The following TUBGCP5 variants were observed in gnomAD, a reference collection of about 807,000 sequenced individuals.
TUBGCP5 encodes gamma-tubulin complex component 5.
Under a neutral mutation model 134.7 loss-of-function variants are expected in TUBGCP5, and 98 were observed. That is an observed-to-expected ratio of 0.73 (90% CI 0.62 to 0.86). TUBGCP5 has a LOEUF of 0.86. Ranked by LOEUF, TUBGCP5 falls within the 40% of genes least tolerant of loss-of-function variation. The pLI, the probability that TUBGCP5 is intolerant of heterozygous loss-of-function variation, is 0.00. For missense variants in TUBGCP5, 1,150 were observed against 1,244.8 expected, an observed-to-expected ratio of 0.92 and a Z score of 1.15; for synonymous variants, 456 against 431.4, an observed-to-expected ratio of 1.06 and a Z score of -0.71.
intron 21 of TUBGCP5, among the ~76,000 whole-genome samples, chr15:23,001,889 C>T (rs1002727827): frequency 6.6e-6 from 1 of 152,092 alleles, no homozygotes; most frequent in Non-Finnish European, 1.5e-5. Flanking sequence ...AGCCACAACA[C>T]CATTTGCTCA....
intron 10 of TUBGCP5, chr15:23,023,675 G>T: frequency 6.1e-6 from 2 of 327,218 alleles, no homozygotes; most frequent in Non-Finnish European, 1.1e-5. Context: ...AGAAGCCAAG[G>T]ACCTGGCTGT....
intron 6 of TUBGCP5, among the ~76,000 whole-genome samples, chr15:23,027,935 T>G (rs1022340888): frequency 2.6e-5 from 4 of 152,042 alleles, no homozygotes; most frequent in Admixed American, 6.6e-5. Flanking sequence ...TCCCAACCAC[T>G]ACGGAAGTCT....
chr15:22,983,923 A>C (rs2063606003), intron 23 of TUBGCP5, among the ~76,000 whole-genome samples: 1 of 151,864 alleles, frequency 6.6e-6, no homozygotes, highest in Non-Finnish European at 1.5e-5. Flanking sequence ...GGGGTTCGAG[A>C]CCAGCCTGGC....
Position 22,983,773 on chromosome 15 carries a change from T to TA in TUBGCP5, c.*62-163dup, listed in dbSNP as rs2063600401. Among the ~76,000 whole-genome samples the TA allele has an allele frequency of 3.9e-5, 6 of 152,306 alleles. 1 individual carries two copies. The South Asian group carries it at 1.2e-3, about 32-fold the overall frequency. Reference sequence around the variant, plus strand: ...TAGTCCCCCTCCTCTGAGTTCCAGTTACTCATGGTCAACCATAGTCTGAAA... The same window carrying TA: ...TAGTCCCCCTCCTCTGAGTTCCAGTTAACTCATGGTCAACCATAGTCTGAAA... On this transcript the variant is annotated intron_variant and NMD_transcript_variant, in intron 23 of 23. Transcript: ENST00000614508.
rs117013463 is a variant in TUBGCP5 at position 23,003,550 on chromosome 15, C to T, written c.2839-397G>A. ...ATTTTCCAAATGAATCCAAGAGTAA[C>T]GCAGAGTGAGTGTTGACTATCACAC... On this transcript the variant is annotated intron_variant, in intron 20 of 22. Coordinates refer to ENST00000615383, the MANE Select transcript of TUBGCP5 (RefSeq NM_052903.6). 2.8e-4 allele frequency among the ~76,000 whole-genome samples: 42 copies of T among 151,588 alleles called. 1 individual carries two copies. The East Asian group carries it at 6.6e-3, about 24-fold the overall frequency.
chr15:23,018,436 C>T (rs1368827105), intron 12 of TUBGCP5, among the ~76,000 whole-genome samples: 1 of 152,124 alleles, frequency 6.6e-6, no homozygotes, highest in East Asian at 1.9e-4. Flanking sequence ...AATCATCACC[C>T]TAGAAGAACA....
At chr15:22,994,275 A>G (rs1361371310), downstream of TUBGCP5, among the ~76,000 whole-genome samples, 1 of 151,800 alleles carries the variant, frequency 6.6e-6, no homozygotes, top group East Asian at 2.0e-4. Flanking sequence ...TTTTTAGTAG[A>G]GACGGGGTTT....
chr15:22,997,358 T>C (rs2064136798), downstream of TUBGCP5, among the ~76,000 whole-genome samples: 1 of 151,624 alleles, frequency 6.6e-6, no homozygotes, highest in African/African-American at 2.4e-5. Context: ...TTTTGTATTT[T>C]TAGTAGAGAC....
At chr15:23,009,856 A>G in intron 15 of TUBGCP5, 89 bp downstream of exon 15, 1 of 1,240,072 alleles carries the variant, frequency 8.1e-7, no homozygotes, top group Non-Finnish European at 1.1e-6. Flanking sequence ...CTACTCTAAT[A>G]AAAATTGAAA....
At chr15:23,012,482 C>T (rs58955483) in intron 13 of TUBGCP5, among the ~76,000 whole-genome samples, 140 of 152,224 alleles carry the variant, frequency 9.2e-4, no homozygotes, top group African/African-American at 3.2e-3. Flanking sequence ...TCTCGGCTCA[C>T]TGCAATCTCT....
chr15:22,991,512 A>T (rs2063844534), intron 23 of TUBGCP5, among the ~76,000 whole-genome samples: 1 of 152,126 alleles, frequency 6.6e-6, no homozygotes, highest in Non-Finnish European at 1.5e-5. Context: ...CTGCAAGACC[A>T]TGAGGGAGGC....
At chr15:22,990,348 C>T (rs555634046) in intron 23 of TUBGCP5, among the ~76,000 whole-genome samples, 4 of 152,142 alleles carry the variant, frequency 2.6e-5, no homozygotes, top group African/African-American at 7.2e-5. Context: ...GAGGCACCTA[C>T]GGCTTTGTCT....
chr15:23,035,212 C>A (rs933190902), intron 3 of TUBGCP5, among the ~76,000 whole-genome samples: 2 of 151,734 alleles, frequency 1.3e-5, no homozygotes, highest in African/African-American at 4.9e-5. Context: ...ACCTGTAATC[C>A]CAGCTACTCG....
rs1382457597 is a variant in TUBGCP5, at chr15:23,004,206, C to G, written c.2734G>C (p.Glu912Gln). Residue 912 changes from glutamate to glutamine, a missense_variant, in exon 20 of 23, where the codon GAG becomes CAG. Glu to Gln is a conservative substitution (Grantham distance 29). This residue lies in a region of TUBGCP5 where 697 missense variants were observed against 850.1 expected (regional missense o/e 0.82). Transcript: ENST00000615383. Reference sequence around the variant, plus strand: ...GCTTCCTCGACTTGATGTTGAAACTCCAGCCCTGTACTGTGTAGAATCTTG... The same window carrying G: ...GCTTCCTCGACTTGATGTTGAAACTGCAGCCCTGTACTGTGTAGAATCTTG... Reference protein sequence around the residue: ...MTRILHSTGLEFQHQVEEAKD... With the variant: ...MTRILHSTGLQFQHQVEEAKD... The G allele has an allele frequency of 1.2e-6, 2 of 1,613,370 alleles. No individual in the cohort carries two copies. The highest frequency in any genetic ancestry group is 1.7e-6 in the Non-Finnish European group (2 of 1,179,846).
At chr15:23,019,432 C>T (rs906112376) in intron 11 of TUBGCP5, 98 bp from the exon 12 acceptor site, 18 of 759,210 alleles carry the variant, frequency 2.4e-5, no homozygotes, top group Non-Finnish European at 3.6e-5. Context: ...AAAAAGTGAT[C>T]GGATTTCTAT....
rs553867516 is a variant in TUBGCP5, at chr15:22,999,967, A to G, written c.3029-101T>C. ...CCACTGTCACCCAGGCTGGAGTGCA[A>G]TGGTACAATCTCAGCTCACTGCAAC... On this transcript the variant is annotated intron_variant, in intron 22 of 22. Coordinates refer to ENST00000615383, the MANE Select transcript of TUBGCP5 (RefSeq NM_052903.6). The G allele has an allele frequency of 5.5e-6, 6 of 1,081,272 alleles. No homozygotes were observed. The African/African-American group carries it at 7.8e-5, about 14-fold the overall frequency. 67.0% of individuals were successfully genotyped at this position (1,081,272 alleles called of 1,614,324 possible).
At position 23,039,565 on chromosome 15, in the gene TUBGCP5, C is replaced by G. The variant is rs2066812554; in HGVS notation, c.-22G>C. 7.3e-7 allele frequency: 1 copy of G among 1,378,154 alleles called. No homozygotes were observed. Among genetic ancestry groups the G allele is most frequent in the Admixed American group, 2.9e-5 (1 of 34,522 alleles). The allele number at this position is 1,378,154 out of a possible 1,614,324, so 85.4% of individuals were successfully genotyped here. A position where few individuals can be genotyped will look rare whatever the true frequency, so the allele number is the denominator to read the frequency against. On this transcript the variant is annotated 5_prime_UTR_variant, in exon 1 of 23. Transcript: ENST00000615383. ...CCATGTTCCGCGCTCCTGCAGCGCG[C>G]GTCTAACGAATTGGTGCCTGTCGCG...
intron 4 of TUBGCP5, among the ~76,000 whole-genome samples, chr15:23,032,353 A>G (rs549923794): frequency 6.6e-6 from 1 of 152,288 alleles, no homozygotes; most frequent in South Asian, 2.1e-4. Context: ...ATGGTGTAGT[A>G]TGTGCACATA....
At chr15:23,024,415 C>A in intron 9 of TUBGCP5, 1 of 507,818 alleles carries the variant, frequency 2.0e-6, no homozygotes, top group Non-Finnish European at 3.3e-6. Context: ...TTTTTAAAAA[C>A]ATACATAAGT....
Sources: gnomAD v4.1 joint callset for allele counts (sites outside exome capture counted in the v4.1 genomes callset) on GRCh38, gnomAD v4.1.1 for gene constraint, gnomAD v4.1.1 regional missense constraint, MANE v1.5 for transcripts, NCBI Gene and HGNC (gene_info 2026-07-23, HGNC 2026-07-21) for gene names.